INSC: variants seen among roughly 807,000 people sequenced by gnomAD.
INSC encodes the protein protein inscuteable homolog.
A neutral mutation model predicts 58.6 loss-of-function variants in INSC; 67 were observed. The observed-to-expected ratio is 1.14, with a 90% CI of 0.94 to 1.40. The LOEUF is 1.40. Ranked by LOEUF, INSC falls within the 40% of genes most tolerant of loss-of-function variation. INSC has a pLI of 0.00. For synonymous variants in INSC, 262 were observed against 276.1 expected, an observed-to-expected ratio of 0.95 and a Z score of 0.51; for missense variants, 714 against 692.0, an observed-to-expected ratio of 1.03 and a Z score of -0.36.
At chr11:15,232,524 G>T (rs1851963128) in intron 9 of INSC, among the ~76,000 whole-genome samples, 1 of 152,182 alleles carries the variant, frequency 6.6e-6, no homozygotes, top group Non-Finnish European at 1.5e-5. Flanking sequence ...CTGTGGAGAA[G>T]CTGGGATTAA....
intron 1 of INSC, among the ~76,000 whole-genome samples, chr11:15,148,029 A>T (rs1326425174): frequency 6.6e-6 from 1 of 152,186 alleles, no homozygotes; most frequent in Non-Finnish European, 1.5e-5. Flanking sequence ...AAAAAGAGAG[A>T]TTGTGTACAA....
At position 15,116,863 on chromosome 11, in the gene INSC, C is replaced by T. The variant is rs1396145441; in HGVS notation, c.-46+1860C>T. On this transcript the variant is annotated intron_variant, in intron 1 of 12. Coordinates refer to ENST00000379556, the MANE Select transcript of INSC (RefSeq NM_001042536.3). ...TTTCTTTCTTTCTCTCTCTCTCTCTCTCTCTCTCTCTCTCCCCCTCCCTCC... is the reference window on the plus strand; with the variant it reads ...TTTCTTTCTTTCTCTCTCTCTCTCTTTCTCTCTCTCTCTCCCCCTCCCTCC... 4.7e-3 allele frequency among the ~76,000 whole-genome samples: 206 copies of T among 43,636 alleles called. 1 individual carries two copies. Among genetic ancestry groups the T allele is most frequent in the South Asian group, 0.013 (11 of 880 alleles). 28.6% of individuals were successfully genotyped at this position (43,636 alleles called of 152,430 possible).
chr11:15,143,343 GCT>G (rs1353816781), intron 1 of INSC, among the ~76,000 whole-genome samples: 1 of 152,210 alleles, frequency 6.6e-6, no homozygotes, highest in Non-Finnish European at 1.5e-5. Context: ...TTTGTTCTGA[GCT>G]CTCACCAAGG....
intron 10 of INSC, among the ~76,000 whole-genome samples, chr11:15,238,356 A>C (rs1358077055): frequency 6.6e-6 from 1 of 152,128 alleles, no homozygotes; most frequent in East Asian, 1.9e-4. Flanking sequence ...GGTTTGGATC[A>C]CCTCTTACCT....
At chr11:15,244,750 C>G (rs1043125744) in intron 12 of INSC, among the ~76,000 whole-genome samples, 3 of 152,128 alleles carry the variant, frequency 2.0e-5, no homozygotes, top group African/African-American at 7.2e-5. Context: ...TTTGCATTCC[C>G]TCCTTCTTTG....
chr11:15,204,667 T>C (rs1449064579), intron 7 of INSC, among the ~76,000 whole-genome samples: 1 of 152,004 alleles, frequency 6.6e-6, no homozygotes, highest in Non-Finnish European at 1.5e-5. Flanking sequence ...GAAGGTGGAG[T>C]GGGGAAGTGT....
chr11:15,193,539 C>A (rs147907464), intron 6 of INSC, among the ~76,000 whole-genome samples: 2 of 152,110 alleles, frequency 1.3e-5, no homozygotes, highest in African/African-American at 4.8e-5. Flanking sequence ...TGAGAACATG[C>A]GGTGTTGGTT....
At chr11:15,186,352 C>T (rs60258987) in intron 5 of INSC, among the ~76,000 whole-genome samples, 3,090 of 151,752 alleles carry the variant, frequency 0.02, 117 homozygotes, top group African/African-American at 0.071. Flanking sequence ...ACGATTTACT[C>T]TTCTTCTCAT....
Position 15,197,332 on chromosome 11 carries a change from C to T in INSC, c.694-3492C>T, listed in dbSNP as rs143088194. ...CAGCTCATCTTTTCATCCATTTTTC[C>T]GGGCTGGAAAAGGGAGTCCTTCCTG... On this transcript the variant is annotated intron_variant, in intron 6 of 12. Transcript: ENST00000379556. 4.3e-4 allele frequency among the ~76,000 whole-genome samples: 66 copies of T among 152,242 alleles called. No individual in the cohort carries two copies. In the East Asian group the frequency reaches 0.01, roughly 23 times the overall value.
intron 2 of INSC, among the ~76,000 whole-genome samples, chr11:15,161,462 C>CT (rs1299343264): frequency 6.6e-6 from 1 of 152,116 alleles, no homozygotes; most frequent in Non-Finnish European, 1.5e-5. Flanking sequence ...GAGCAGAGGA[C>CT]TAGTGCATGG....
intron 5 of INSC, among the ~76,000 whole-genome samples, chr11:15,187,209 AG>A (rs1850002143): frequency 6.6e-6 from 1 of 152,198 alleles, no homozygotes. Flanking sequence ...CCTGGGTGGA[AG>A]CTTCAAGGCC....
At chr11:15,253,840 A>G in the INSC span, among the ~76,000 whole-genome samples, 1 of 152,178 alleles carries the variant, frequency 6.6e-6, no homozygotes, top group Non-Finnish European at 1.5e-5. Flanking sequence ...ACCCTCTCAA[A>G]GTCCAACTGA....
rs191436964 is a variant in INSC at position 15,174,706 on chromosome 11, T to C, written c.57-1035T>C. Reference sequence around the variant, plus strand: ...CTTCTGTTGTGAAATGATAGTGAAATTTGTTATTGTCTTTTTAGTTTAGTT... The same window carrying C: ...CTTCTGTTGTGAAATGATAGTGAAACTTGTTATTGTCTTTTTAGTTTAGTT... On this transcript the variant is annotated intron_variant, in intron 2 of 12. Coordinates refer to ENST00000379556, the MANE Select transcript of INSC (RefSeq NM_001042536.3). Among the ~76,000 whole-genome samples, 378 of 152,380 alleles carry C rather than the reference T, an allele frequency of 2.5e-3. 3 individuals are homozygous for C. The highest frequency in any genetic ancestry group is 8.8e-3 in the African/African-American group (364 of 41,598).
intron 2 of INSC, among the ~76,000 whole-genome samples, chr11:15,149,969 A>T (rs891645183): frequency 6.6e-6 from 1 of 152,248 alleles, no homozygotes; most frequent in African/African-American, 2.4e-5. Flanking sequence ...CAGCAAATCA[A>T]TTGGGAGGAA....
intron 6 of INSC, among the ~76,000 whole-genome samples, chr11:15,191,989 T>A (rs1019070994): frequency 6.6e-6 from 1 of 152,234 alleles, no homozygotes; most frequent in African/African-American, 2.4e-5. Context: ...AACAGGAGGC[T>A]GTACAATTCT....
Position 15,247,007 on chromosome 11 carries a change from G to A in INSC, c.*967G>A, listed in dbSNP as rs1362643435. 1 of 150,690 alleles carries A rather than the reference G, an allele frequency of 6.6e-6. No homozygotes were observed. The highest frequency in any genetic ancestry group is 6.6e-5 in the Admixed American group (1 of 15,132). 9.3% of individuals were successfully genotyped at this position (150,690 alleles called of 1,614,324 possible). ...ATTTACACCACAGAAATTCACAGAT[G>A]CTATAAAGCACAGCTTTCGCTTTTT... On this transcript the variant is annotated 3_prime_UTR_variant, in exon 13 of 13. Coordinates refer to ENST00000379556, the MANE Select transcript of INSC (RefSeq NM_001042536.3).
Position 15,200,955 on chromosome 11 carries a change from G to C in INSC, c.819+6G>C. 2 of 1,594,838 alleles carry C rather than the reference G, an allele frequency of 1.3e-6. No individual in the cohort carries two copies. Among genetic ancestry groups the C allele is most frequent in the South Asian group, 1.1e-5 (1 of 88,678 alleles). Reference sequence around the variant, plus strand: ...GTGTCCACCAGCTGGAGAAGGTAAGGACAGCTGGCTGGGTGGTGCCTGAGG... The same window carrying C: ...GTGTCCACCAGCTGGAGAAGGTAAGCACAGCTGGCTGGGTGGTGCCTGAGG... On this transcript the variant is annotated splice_donor_region_variant and intron_variant, in intron 7 of 12. Transcript: ENST00000379556.
chr11:15,220,381 G>T (rs1851391797), intron 7 of INSC, among the ~76,000 whole-genome samples: 1 of 152,166 alleles, frequency 6.6e-6, no homozygotes, highest in Non-Finnish European at 1.5e-5. Flanking sequence ...CATCTGAGGG[G>T]CTGCAGTAGC....
At chr11:15,176,187 G>A (rs978291012) in intron 3 of INSC, 101 bp downstream of exon 3, 24 of 987,882 alleles carry the variant, frequency 2.4e-5, no homozygotes, top group Non-Finnish European at 3.3e-5. Flanking sequence ...TTTTGCTCCA[G>A]AAGCCTTTCT....
Sources: allele counts gnomAD v4.1 joint callset (sites outside exome capture counted in the v4.1 genomes callset), GRCh38; gene constraint gnomAD v4.1.1; transcripts MANE v1.5; gene names NCBI Gene and HGNC (gene_info 2026-07-23, HGNC 2026-07-21).